GLG1: variants seen among roughly 807,000 people sequenced by gnomAD.
GLG1 encodes golgi glycoprotein 1.
Under a neutral mutation model 160.5 loss-of-function variants are expected in GLG1, and 38 were observed. The observed-to-expected ratio is 0.24, with a 90% confidence interval of 0.18 to 0.31. GLG1 has a LOEUF of 0.31. Ranked by LOEUF, GLG1 falls within the 10% of genes least tolerant of loss-of-function variation. The pLI is 1.00. For synonymous variants in GLG1, 644 were observed against 543.4 expected (o/e 1.19, Z -2.57); for missense variants, 1,373 against 1,505.2 (o/e 0.91, Z 1.45).
At position 74,462,660 on chromosome 16, in the gene GLG1, A is replaced by G. The variant is rs776766511; in HGVS notation, c.2792-30T>C. The G allele has an allele frequency of 1.1e-5, 18 of 1,610,820 alleles. No homozygotes were observed. In the South Asian group the frequency reaches 1.3e-4, roughly 12 times the overall value. ...AGTAGAAAGCAGTGAGCATGTGACA[A>G]AACATTCCACCTGATTCACACATTT... On this transcript the variant is annotated intron_variant, in intron 20 of 25. Transcript: ENST00000422840.
chr16:74,533,502 T>C (rs2911470), intron 1 of GLG1, among the ~76,000 whole-genome samples: 2,019 of 151,804 alleles, frequency 0.013, 32 homozygotes, highest in African/African-American at 0.046. Context: ...ATTTCCTGGG[T>C]GAGTGCAGTG....
intron 2 of GLG1, among the ~76,000 whole-genome samples, chr16:74,527,242 G>GTTTT (rs1597310566): frequency 1.0e-5 from 1 of 99,894 alleles, no homozygotes; most frequent in African/African-American, 3.4e-5. Flanking sequence ...GCTTAAGTCA[G>GTTTT]TTCTTTTTTT....
intron 4 of GLG1, among the ~76,000 whole-genome samples, chr16:74,498,211 T>A (rs1308324965): frequency 6.6e-6 from 1 of 150,918 alleles, no homozygotes; most frequent in African/African-American, 2.4e-5. Flanking sequence ...GGTGGGCGGA[T>A]CACGAGGTCA....
At chr16:74,478,042 A>C (rs779568466) in intron 11 of GLG1, among the ~76,000 whole-genome samples, 4 of 151,738 alleles carry the variant, frequency 2.6e-5, no homozygotes, top group Non-Finnish European at 4.4e-5. Flanking sequence ...CGAAAAGCCC[A>C]TATCTTTAGC....
At chr16:74,501,641 C>T (rs1040999782) in intron 4 of GLG1, among the ~76,000 whole-genome samples, 2 of 152,198 alleles carry the variant, frequency 1.3e-5, no homozygotes, top group African/African-American at 2.4e-5. Context: ...CTTGGCTTTA[C>T]TGCATGGAGC....
Position 74,452,124 on chromosome 16 carries a change from A to T in GLG1, c.*1043T>A, listed in dbSNP as rs1218445172. ...TTATAAGCCATTGTCTCTGACCTGT[A>T]TTGTAGCCTGAAAAATAAAGCAAAG... On this transcript the variant is annotated 3_prime_UTR_variant, in exon 26 of 26. Coordinates refer to ENST00000422840, the MANE Select transcript of GLG1 (RefSeq NM_001145667.2). 1 of 1,613,922 alleles carries T rather than the reference A, an allele frequency of 6.2e-7. No homozygotes were observed. The highest frequency in any genetic ancestry group is 8.5e-7 in the Non-Finnish European group (1 of 1,179,848).
chr16:74,483,129 C>T lies in GLG1; in HGVS notation c.1572-5G>A. 6.6e-7 allele frequency: 1 copy of T among 1,521,388 alleles called. No homozygotes were observed. The highest frequency in any genetic ancestry group is 9.1e-7 in the Non-Finnish European group (1 of 1,096,096). 94.2% of individuals were successfully genotyped at this position (1,521,388 alleles called of 1,614,324 possible). A position where few individuals can be genotyped will look rare whatever the true frequency, so the allele number is the denominator to read the frequency against. On this transcript the variant is annotated splice_polypyrimidine_tract_variant and splice_region_variant and intron_variant, in intron 9 of 25. Coordinates refer to ENST00000422840, the MANE Select transcript of GLG1 (RefSeq NM_001145667.2). ...TCCATCAGGCACGACAAGATCCTAG[C>T]CATTAAATGTGTAAAATTGTAACAA...
chr16:74,560,107 A>T (rs2018467008), intron 1 of GLG1, among the ~76,000 whole-genome samples: 1 of 152,144 alleles, frequency 6.6e-6, no homozygotes, highest in African/African-American at 2.4e-5. Context: ...GTTTCGCCAA[A>T]CATTGTTCTG....
At chr16:74,529,879 C>T (rs2549559) in intron 2 of GLG1, among the ~76,000 whole-genome samples, 96,310 of 142,292 alleles carry the variant, frequency 0.68, 32,787 homozygotes, top group East Asian at 0.81. Flanking sequence ...GGCAGTGGCA[C>T]GATCTCACTG....
intron 1 of GLG1, among the ~76,000 whole-genome samples, chr16:74,551,162 G>C (rs1008050093): frequency 1.3e-5 from 2 of 152,150 alleles, no homozygotes; most frequent in African/African-American, 4.8e-5. Context: ...CTCAGTGCTA[G>C]CCTTTCCCGT....
At chr16:74,472,595 C>T (rs752649299) in intron 13 of GLG1, 184 bp from the exon 14 acceptor site, 1 of 1,485,944 alleles carries the variant, frequency 6.7e-7, no homozygotes, top group East Asian at 2.6e-5. Flanking sequence ...CTCCGTTATA[C>T]TTTGAAAGGC....
intron 25 of GLG1, among the ~76,000 whole-genome samples, chr16:74,454,038 A>AT (rs2014429171): frequency 6.6e-6 from 1 of 151,560 alleles, no homozygotes; most frequent in Non-Finnish European, 1.5e-5. Flanking sequence ...TGCACAGCTA[A>AT]TTTTTTTGGT....
chr16:74,532,027 C>T (rs1195391882), intron 2 of GLG1, 94 bp downstream of exon 2: 2 of 527,516 alleles, frequency 3.8e-6, no homozygotes, highest in East Asian at 3.1e-5. Flanking sequence ...TGTAAGAAAA[C>T]ATAGCACTTC....
At chr16:74,587,644 G>A (rs917422825) in intron 1 of GLG1, among the ~76,000 whole-genome samples, 1 of 152,152 alleles carries the variant, frequency 6.6e-6, no homozygotes, top group Non-Finnish European at 1.5e-5. Flanking sequence ...CGAAGTGGGC[G>A]ATCACGAGGT....
chr16:74,479,299 AAAAAG>A (rs2015514834), intron 11 of GLG1, among the ~76,000 whole-genome samples: 1 of 151,274 alleles, frequency 6.6e-6, no homozygotes, highest in Non-Finnish European at 1.5e-5. Context: ...ATTTAAAAAA[AAAAAG>A]AAAAGAAAAC....
chr16:74,534,781 G>C (rs1433947395), intron 1 of GLG1, among the ~76,000 whole-genome samples: 1 of 152,134 alleles, frequency 6.6e-6, no homozygotes, highest in Non-Finnish European at 1.5e-5. Context: ...AATCAAGATA[G>C]CAAAAGAGAT....
In GLG1 at chr16:74,590,143, G is replaced by C. The variant is rs999902924; in HGVS notation, c.438+16514C>G. 2.0e-5 allele frequency among the ~76,000 whole-genome samples: 3 copies of C among 151,642 alleles called. 1 individual carries two copies. The South Asian group carries it at 6.2e-4, about 32-fold the overall frequency. On this transcript the variant is annotated intron_variant, in intron 1 of 25. Transcript: ENST00000422840. Reference sequence around the variant, plus strand: ...CTTCCAAGTAGTAGGGACTACAGGCGCACGCCACCACACCCACCTAAGTTT... The same window carrying C: ...CTTCCAAGTAGTAGGGACTACAGGCCCACGCCACCACACCCACCTAAGTTT...
At chr16:74,602,715 T>G (rs201808244) in intron 1 of GLG1, among the ~76,000 whole-genome samples, 1 of 151,084 alleles carries the variant, frequency 6.6e-6, no homozygotes, top group South Asian at 2.1e-4. Flanking sequence ...CTCGGGAGGC[T>G]GAGGTTGCAG....
chr16:74,562,505 G>C (rs762096512), intron 1 of GLG1, among the ~76,000 whole-genome samples: 4 of 152,164 alleles, frequency 2.6e-5, no homozygotes, highest in Non-Finnish European at 2.9e-5. Flanking sequence ...TGTTGCCCAG[G>C]CTGGAGAGCA....
Sources: allele counts gnomAD v4.1 joint callset (sites outside exome capture counted in the v4.1 genomes callset), GRCh38; gene constraint gnomAD v4.1.1; transcripts MANE v1.5; gene names NCBI Gene and HGNC (gene_info 2026-07-23, HGNC 2026-07-21).